Variants in FSIP1 observed in about 807,000 individuals in gnomAD.
The protein encoded by FSIP1 is fibrous sheath-interacting protein 1.
A neutral mutation model predicts 60.9 loss-of-function variants in FSIP1; 65 were observed. The observed-to-expected ratio is 1.07, with a 90% CI of 0.87 to 1.31. The LOEUF is 1.31. Ranked by LOEUF, FSIP1 falls within the 40% of genes most tolerant of loss-of-function variation. The pLI is 0.00. For synonymous variants in FSIP1, 209 were observed against 221.2 expected (o/e 0.94, Z 0.49); for missense variants, 675 against 665.5 (o/e 1.01, Z -0.16).
At chr15:39,656,124 C>T (rs868583720) in intron 10 of FSIP1, among the ~76,000 whole-genome samples, 1 of 152,134 alleles carries the variant, frequency 6.6e-6, no homozygotes. Flanking sequence ...TTTGTCGACA[C>T]CAAGCAGACT....
chr15:39,690,448 T>C (rs991243862), intron 10 of FSIP1, among the ~76,000 whole-genome samples: 2 of 152,160 alleles, frequency 1.3e-5, no homozygotes, highest in African/African-American at 4.8e-5. Context: ...AAAAATATAG[T>C]CCAATCTCTT....
intron 5 of FSIP1, among the ~76,000 whole-genome samples, chr15:39,753,867 G>A (rs111340588): frequency 0.016 from 2,464 of 151,960 alleles, 82 homozygotes; most frequent in African/African-American, 0.055. Context: ...ACTAACTTTC[G>A]TCTATGTCAT....
intron 10 of FSIP1, among the ~76,000 whole-genome samples, chr15:39,656,786 A>T (rs1383092868): frequency 6.6e-6 from 1 of 152,228 alleles, no homozygotes; most frequent in African/African-American, 2.4e-5. Context: ...TTAATATTTT[A>T]AAAGAGAAAA....
intron 2 of FSIP1, among the ~76,000 whole-genome samples, chr15:39,772,352 GCA>G (rs1292998209): frequency 1.3e-5 from 2 of 152,194 alleles, no homozygotes; most frequent in Non-Finnish European, 1.5e-5. Flanking sequence ...GAGTGCAGTG[GCA>G]TGATCATGGC....
intron 10 of FSIP1, among the ~76,000 whole-genome samples, chr15:39,651,058 C>G (rs1384662018): frequency 6.6e-6 from 1 of 152,080 alleles, no homozygotes; most frequent in African/African-American, 2.4e-5. Flanking sequence ...GCATGGGCCA[C>G]AGAGAGAGGA....
At chr15:39,648,565 A>G (rs982737532) in intron 10 of FSIP1, among the ~76,000 whole-genome samples, 2 of 152,246 alleles carry the variant, frequency 1.3e-5, no homozygotes, top group African/African-American at 4.8e-5. Flanking sequence ...ACACAAGTAT[A>G]GCAGTTAAGA....
intron 2 of FSIP1, among the ~76,000 whole-genome samples, chr15:39,774,378 G>C (rs901619579): frequency 3.9e-5 from 6 of 152,008 alleles, no homozygotes; most frequent in Admixed American, 2.6e-4. Context: ...GGCTATTCGG[G>C]AGGCTGACAG....
rs1001152918 is a variant in FSIP1, at chr15:39,618,379, T to A, written c.1189-134A>T. Reference sequence around the variant, plus strand: ...CACATAAAAATAGAAAAATAATTCATTGTAAAGTATCCAAAACTGTAGGGG... The same window carrying A: ...CACATAAAAATAGAAAAATAATTCAATGTAAAGTATCCAAAACTGTAGGGG... On this transcript the variant is annotated intron_variant, in intron 10 of 11. Transcript: ENST00000350221. 75 of 714,338 alleles carry A rather than the reference T, an allele frequency of 1.0e-4. 1 individual carries two copies. Among genetic ancestry groups the A allele is most frequent in the Non-Finnish European group, 1.7e-4 (74 of 446,178 alleles). 44.2% of individuals were successfully genotyped at this position (714,338 alleles called of 1,614,324 possible).
chr15:39,698,972 C>T (rs1178625578), intron 10 of FSIP1, among the ~76,000 whole-genome samples: 1 of 152,168 alleles, frequency 6.6e-6, no homozygotes, highest in South Asian at 2.1e-4. Flanking sequence ...GATGCAATAG[C>T]TTTATGATGG....
chr15:39,623,391 A>G (rs1256590033), intron 10 of FSIP1, among the ~76,000 whole-genome samples: 1 of 152,210 alleles, frequency 6.6e-6, no homozygotes, highest in Non-Finnish European at 1.5e-5. Context: ...CAGCACTCCT[A>G]AAGACCCACC....
intron 10 of FSIP1, among the ~76,000 whole-genome samples, chr15:39,621,549 A>T (rs954722227): frequency 2.0e-5 from 3 of 152,240 alleles, no homozygotes; most frequent in African/African-American, 4.8e-5. Flanking sequence ...ACTTTAGAAG[A>T]TAATCTCTAC....
chr15:39,696,900 G>C (rs1316929211), intron 10 of FSIP1, among the ~76,000 whole-genome samples: 2 of 148,680 alleles, frequency 1.3e-5, no homozygotes, highest in African/African-American at 4.9e-5. Context: ...GTGTGTGTGT[G>C]TGTGTGTGTG....
chr15:39,683,326 G>C (rs78046845), intron 10 of FSIP1, among the ~76,000 whole-genome samples: 1,684 of 151,732 alleles, frequency 0.011, 42 homozygotes, highest in African/African-American at 0.038. Context: ...CAGATTAAAA[G>C]GAAAAACAGT....
chr15:39,674,085 C>T lies in FSIP1; in HGVS notation c.1188+39359G>A, dbSNP rs183847636. Among the ~76,000 whole-genome samples the T allele has an allele frequency of 3.0e-3, 447 of 150,772 alleles. 3 individuals carry two copies. The highest frequency in any genetic ancestry group is 0.01 in the African/African-American group (427 of 41,094). On this transcript the variant is annotated intron_variant, in intron 10 of 11. Transcript: ENST00000350221. Reference sequence around the variant, plus strand: ...TTTTTTTTTTTCTGAGACAGAGTCTCGCTCTGTCGCCCAGGCTGGAGTGCA... The same window carrying T: ...TTTTTTTTTTTCTGAGACAGAGTCTTGCTCTGTCGCCCAGGCTGGAGTGCA...
chr15:39,724,475 A>G (rs534865389), intron 9 of FSIP1, among the ~76,000 whole-genome samples: 1 of 126,640 alleles, frequency 7.9e-6, no homozygotes, highest in South Asian at 2.6e-4. Context: ...GATGGTCTCG[A>G]TCTCCTGACC....
At chr15:39,765,547 A>G (rs979172748) in intron 4 of FSIP1, 45 bp downstream of exon 4, 2 of 1,438,596 alleles carry the variant, frequency 1.4e-6, no homozygotes, top group South Asian at 1.4e-5. Context: ...CCCAGCCAGG[A>G]GAATTTATTT....
chr15:39,618,371 A>G (rs545174839), intron 10 of FSIP1, 126 bp from the exon 11 acceptor site: 4 of 736,692 alleles, frequency 5.4e-6, no homozygotes, highest in South Asian at 2.1e-5. Flanking sequence ...AAATAGAAAA[A>G]TAATTCATTG....
intron 1 of FSIP1, among the ~76,000 whole-genome samples, chr15:39,781,841 G>C (rs2140747405): frequency 6.6e-6 from 1 of 152,350 alleles, no homozygotes; most frequent in East Asian, 1.9e-4. Context: ...AAGAGCACTA[G>C]GGAATTTGGG....
intron 10 of FSIP1, among the ~76,000 whole-genome samples, chr15:39,705,484 A>C (rs1372933864): frequency 6.6e-6 from 1 of 152,172 alleles, no homozygotes; most frequent in Non-Finnish European, 1.5e-5. Flanking sequence ...GATATAATAA[A>C]ATTGCCTTAA....
Sources: gnomAD v4.1 joint callset for allele counts (sites outside exome capture counted in the v4.1 genomes callset) on GRCh38, gnomAD v4.1.1 for gene constraint, MANE v1.5 for transcripts, NCBI Gene and HGNC (gene_info 2026-07-23, HGNC 2026-07-21) for gene names.